The following CCDC148 variants were observed in gnomAD, a reference collection of about 807,000 sequenced individuals.
CCDC148 encodes the protein coiled-coil domain-containing protein 148.
In CCDC148, 89 loss-of-function variants were observed where a neutral mutation model predicts 85.7. The observed-to-expected ratio is 1.04, with a 90% CI of 0.87 to 1.24. CCDC148 has a LOEUF of 1.24. CCDC148 is among the 50% of genes most tolerant of loss of function. The pLI, the probability that CCDC148 is intolerant of heterozygous loss-of-function variation, is 0.00. For synonymous variants in CCDC148, 230 were observed against 213.9 expected, an observed-to-expected ratio of 1.08 and a Z score of -0.66; for missense variants, 692 against 671.7, an observed-to-expected ratio of 1.03 and a Z score of -0.33.
chr2:158,335,205 T>A (rs969041279), intron 7 of CCDC148, among the ~76,000 whole-genome samples: 1 of 152,152 alleles, frequency 6.6e-6, no homozygotes, highest in African/African-American at 2.4e-5. Flanking sequence ...AGCAGTAACG[T>A]CAGCCATGTG....
At chr2:158,426,719 T>G (rs1479159341) in intron 1 of CCDC148, among the ~76,000 whole-genome samples, 1 of 152,206 alleles carries the variant, frequency 6.6e-6, no homozygotes, top group African/African-American at 2.4e-5. Context: ...AAGTTTTTTA[T>G]GCTTATGAAC....
chr2:158,288,378 T>C (rs2105184655), intron 9 of CCDC148, among the ~76,000 whole-genome samples: 1 of 152,380 alleles, frequency 6.6e-6, no homozygotes, highest in South Asian at 2.1e-4. Flanking sequence ...TGAACTTTTA[T>C]GCTCTGTTTC....
At chr2:158,448,727 A>G (rs2105348618) in intron 1 of CCDC148, among the ~76,000 whole-genome samples, 1 of 152,298 alleles carries the variant, frequency 6.6e-6, no homozygotes, top group Middle Eastern at 3.4e-3. Context: ...TAATCTATAG[A>G]TTAGAGGTCT....
chr2:158,285,336 A>C (rs1465538429), intron 9 of CCDC148, among the ~76,000 whole-genome samples: 13 of 152,084 alleles, frequency 8.5e-5, no homozygotes, highest in Non-Finnish European at 1.8e-4. Flanking sequence ...GCAGATGAGA[A>C]ATAGCTAAAG....
At chr2:158,318,916 C>T (rs903585977) in intron 7 of CCDC148, among the ~76,000 whole-genome samples, 2 of 152,016 alleles carry the variant, frequency 1.3e-5, no homozygotes, top group Admixed American at 1.3e-4. Context: ...ACTACAGGCA[C>T]TTGCCACCAC....
intron 1 of CCDC148, among the ~76,000 whole-genome samples, chr2:158,368,314 A>C (rs1684287095): frequency 6.6e-6 from 1 of 152,180 alleles, no homozygotes; most frequent in Non-Finnish European, 1.5e-5. Context: ...GGCTCCACAT[A>C]TTTCAGATAA....
intron 2 of CCDC148, among the ~76,000 whole-genome samples, chr2:158,356,489 A>G (rs1404968377): frequency 6.6e-6 from 1 of 152,060 alleles, no homozygotes; most frequent in Non-Finnish European, 1.5e-5. Flanking sequence ...AATGCTCATC[A>G]TCACTGGCCA....
At chr2:158,338,069 C>T (rs1682479046) in intron 7 of CCDC148, among the ~76,000 whole-genome samples, 1 of 152,046 alleles carries the variant, frequency 6.6e-6, no homozygotes, top group South Asian at 2.1e-4. Context: ...CCCCTAGATG[C>T]TTCATATACA....
chr2:158,327,540 G>C (rs1012975741), intron 7 of CCDC148, among the ~76,000 whole-genome samples: 6 of 151,998 alleles, frequency 3.9e-5, no homozygotes, highest in African/African-American at 1.4e-4. Flanking sequence ...TTCATCCAAG[G>C]ATTTTGGATT....
chr2:158,342,579 T>C (rs755026440), intron 3 of CCDC148, among the ~76,000 whole-genome samples: 2 of 152,152 alleles, frequency 1.3e-5, no homozygotes, highest in Non-Finnish European at 2.9e-5. Flanking sequence ...TAACAGAGCA[T>C]ACTAACTGCC....
Position 158,177,247 on chromosome 2 carries a change from T to C in CCDC148, c.1489-586A>G, listed in dbSNP as rs373105364. Among the ~76,000 whole-genome samples the C allele has an allele frequency of 9.5e-4, 145 of 152,068 alleles. 4 individuals carry two copies. The South Asian group carries it at 0.028, about 29-fold the overall frequency. Reference sequence around the variant, plus strand: ...CTTCTACTGAAAAATTGCAAAGTCATTTTAACCCAAATGCCCTTGTCTTTT... The same window carrying C: ...CTTCTACTGAAAAATTGCAAAGTCACTTTAACCCAAATGCCCTTGTCTTTT... On this transcript the variant is annotated intron_variant, in intron 12 of 13. Transcript: ENST00000283233.
At chr2:158,456,374 CA>C in intron 1 of CCDC148, 40 bp downstream of exon 1, 1 of 1,602,568 alleles carries the variant, frequency 6.2e-7, no homozygotes, top group South Asian at 1.1e-5. Flanking sequence ...TCAGTGACGT[CA>C]GGAGGAAGCA....
chr2:158,222,935 G>C (rs1002644066), intron 10 of CCDC148, among the ~76,000 whole-genome samples: 1 of 152,138 alleles, frequency 6.6e-6, no homozygotes, highest in Non-Finnish European at 1.5e-5. Context: ...CTGAGGTACC[G>C]GGTTCATCTC....
intron 2 of CCDC148, among the ~76,000 whole-genome samples, chr2:158,351,853 T>A (rs1006292821): frequency 1.3e-5 from 2 of 150,548 alleles, no homozygotes; most frequent in Admixed American, 6.6e-5. Flanking sequence ...AGAGCAGTGG[T>A]TCTCCCAGCA....
intron 1 of CCDC148, among the ~76,000 whole-genome samples, chr2:158,387,683 C>G (rs1685147912): frequency 1.3e-5 from 2 of 152,070 alleles, no homozygotes; most frequent in Admixed American, 1.3e-4. Flanking sequence ...GCTTTCCACT[C>G]CAGTTGAGTT....
chr2:158,239,307 T>C (rs1284077789), intron 10 of CCDC148, among the ~76,000 whole-genome samples: 3 of 148,808 alleles, frequency 2.0e-5, no homozygotes, highest in African/African-American at 5.1e-5. Flanking sequence ...TCTCTCTCTC[T>C]CCCTCCCCAC....
intron 7 of CCDC148, among the ~76,000 whole-genome samples, chr2:158,335,651 G>C (rs1265916255): frequency 6.6e-6 from 1 of 152,064 alleles, no homozygotes; most frequent in Non-Finnish European, 1.5e-5. Flanking sequence ...CATGAGAACA[G>C]TATGGGGGAT....
intron 1 of CCDC148, chr2:158,425,274 C>T (rs1161352206): frequency 7.5e-6 from 4 of 534,848 alleles, no homozygotes; most frequent in African/African-American, 3.8e-5. Context: ...TCCAGGGGGT[C>T]GCAATCACCA....
At chr2:158,187,810 T>C (rs184133698) in intron 11 of CCDC148, among the ~76,000 whole-genome samples, 1 of 152,194 alleles carries the variant, frequency 6.6e-6, no homozygotes, top group Admixed American at 6.6e-5. Context: ...CTACAATCAG[T>C]GCACAAATAT....
Sources: gnomAD v4.1 joint callset for allele counts (sites outside exome capture counted in the v4.1 genomes callset) on GRCh38, gnomAD v4.1.1 for gene constraint, MANE v1.5 for transcripts, NCBI Gene and HGNC (gene_info 2026-07-23, HGNC 2026-07-21) for gene names.